The following SLMAP variants were observed in gnomAD, a reference collection of about 807,000 sequenced individuals.
SLMAP encodes sarcolemmal membrane-associated protein.
Under a neutral mutation model 128.8 loss-of-function variants are expected in SLMAP, and 44 were observed. The ratio of observed to expected loss-of-function variants is 0.34; its 90% CI spans 0.27 to 0.44. SLMAP has a LOEUF of 0.44. Among genes scored for constraint, SLMAP ranks in the 20% least tolerant of loss-of-function variants. The probability of loss-of-function intolerance (pLI) is 1.00; values close to 1 mark genes in which losing one functional copy is unlikely to be tolerated. For missense variants in SLMAP, 787 were observed against 985.3 expected, an observed-to-expected ratio of 0.80 and a Z score of 2.69; for synonymous variants, 327 against 348.8, an observed-to-expected ratio of 0.94 and a Z score of 0.70.
chr3:57,896,192 A>G (rs2096241884), intron 15 of SLMAP: 8 of 1,039,576 alleles, frequency 7.7e-6, no homozygotes, highest in Non-Finnish European at 9.3e-6. Context: ...ATTGTACTAT[A>G]TTTGTTGCAG....
intron 14 of SLMAP, among the ~76,000 whole-genome samples, chr3:57,885,950 A>G (rs1023274490): frequency 2.8e-5 from 4 of 141,988 alleles, no homozygotes; most frequent in Admixed American, 7.1e-5. Context: ...TGCCCAGCTA[A>G]TTTTTGTATT....
chr3:57,806,217 C>T (rs974966845), intron 2 of SLMAP, among the ~76,000 whole-genome samples: 4 of 151,950 alleles, frequency 2.6e-5, no homozygotes, highest in African/African-American at 9.7e-5. Flanking sequence ...CGCCCCCTGC[C>T]CCCCAACTGG....
intron 2 of SLMAP, among the ~76,000 whole-genome samples, chr3:57,790,291 A>T (rs2085174256): frequency 6.6e-6 from 1 of 152,228 alleles, no homozygotes; most frequent in African/African-American, 2.4e-5. Context: ...AAAGCATATG[A>T]ATGAGAGGCT....
intron 2 of SLMAP, among the ~76,000 whole-genome samples, chr3:57,809,489 G>GAAGC (rs764669908): frequency 3.1e-4 from 47 of 152,202 alleles, no homozygotes; most frequent in Non-Finnish European, 5.0e-4. Context: ...GGGGCTGAGG[G>GAAGC]AAGCTCAGCA....
chr3:57,860,577 A>G, intron 8 of SLMAP, 122 bp from the exon 9 acceptor site: 1 of 718,288 alleles, frequency 1.4e-6, no homozygotes, highest in Middle Eastern at 4.3e-4. Context: ...GGCCAGAATC[A>G]TTTATGTTTG....
At chr3:57,913,323 T>C in intron 21 of SLMAP, 48 bp downstream of exon 21, 1 of 766,390 alleles carries the variant, frequency 1.3e-6, no homozygotes, top group Non-Finnish European at 2.1e-6. Context: ...TTCTTTATCT[T>C]AAATTTTCAT....
At chr3:57,916,822 C>T in intron 21 of SLMAP, 84 bp from the exon 22 acceptor site, 1 of 1,060,438 alleles carries the variant, frequency 9.4e-7, no homozygotes, top group Non-Finnish European at 1.4e-6. Context: ...TCTATCCCTT[C>T]TAGTGAAATG....
At chr3:57,855,797 A>G (rs2094753494) in intron 6 of SLMAP, among the ~76,000 whole-genome samples, 1 of 151,680 alleles carries the variant, frequency 6.6e-6, no homozygotes, top group Non-Finnish European at 1.5e-5. Context: ...TGATCCCAGC[A>G]CTTTGGGAGG....
At chr3:57,926,275 AG>A (rs1019461361) in intron 24 of SLMAP, 13 of 213,512 alleles carry the variant, frequency 6.1e-5, no homozygotes, top group Admixed American at 5.2e-4. Context: ...GTGTTTAATC[AG>A]ATTTGAATGA....
At chr3:57,852,852 C>T (rs557790502) in intron 6 of SLMAP, among the ~76,000 whole-genome samples, 277 of 152,298 alleles carry the variant, frequency 1.8e-3, no homozygotes, top group African/African-American at 6.4e-3. Context: ...TGTCCTAATC[C>T]TCTGCTGTTC....
chr3:57,843,465 C>T (rs1408729906), intron 4 of SLMAP, among the ~76,000 whole-genome samples: 1 of 151,792 alleles, frequency 6.6e-6, no homozygotes, highest in East Asian at 1.9e-4. Flanking sequence ...ACCACCACGC[C>T]CAGCTAATTT....
At position 57,883,358 on chromosome 3, in the gene SLMAP, C is replaced by G. The variant is rs527351550; in HGVS notation, c.1301-6683C>G. 1.1e-4 allele frequency among the ~76,000 whole-genome samples: 17 copies of G among 152,246 alleles called. No individual in the cohort carries two copies. In the East Asian group the frequency reaches 3.1e-3, roughly 28 times the overall value. Reference sequence around the variant, plus strand: ...TGGGGCCAAAGAATGCTAGACTTAACATCAACATTTAGAAATTACTCAAGG... The same window carrying G: ...TGGGGCCAAAGAATGCTAGACTTAAGATCAACATTTAGAAATTACTCAAGG... On this transcript the variant is annotated intron_variant, in intron 14 of 24. Coordinates refer to ENST00000671191, the MANE Select transcript of SLMAP (RefSeq NM_001377540.1).
chr3:57,853,693 C>T (rs1432061566), intron 6 of SLMAP, among the ~76,000 whole-genome samples: 5 of 151,758 alleles, frequency 3.3e-5, no homozygotes, highest in African/African-American at 1.2e-4. Context: ...GTAATCCCAG[C>T]ACTTTGGGAG....
At chr3:57,842,596 A>G (rs1227225298) in intron 4 of SLMAP, among the ~76,000 whole-genome samples, 1 of 152,026 alleles carries the variant, frequency 6.6e-6, no homozygotes, top group African/African-American at 2.4e-5. Flanking sequence ...CAGTTTGAAA[A>G]CTTTGAACAG....
intron 2 of SLMAP, among the ~76,000 whole-genome samples, chr3:57,779,554 C>T (rs2153457514): frequency 6.6e-6 from 1 of 150,752 alleles, no homozygotes; most frequent in South Asian, 2.1e-4. Flanking sequence ...GAAAAATCAC[C>T]ATACGTACTG....
chr3:57,775,085 C>A (rs112764787), intron 2 of SLMAP, among the ~76,000 whole-genome samples: 1 of 150,602 alleles, frequency 6.6e-6, no homozygotes, highest in Non-Finnish European at 1.5e-5. Flanking sequence ...GACGGAGTCT[C>A]GCTCTGTCGC....
intron 17 of SLMAP, chr3:57,899,544 T>A (rs2096319877): frequency 6.6e-6 from 1 of 152,204 alleles, no homozygotes; most frequent in African/African-American, 2.4e-5. Flanking sequence ...ATTTTATTTT[T>A]ATGAATTTTT....
rs2097043370 is a variant in SLMAP, at chr3:57,928,691, C to G, written c.*1402C>G. On this transcript the variant is annotated 3_prime_UTR_variant, in exon 25 of 25. Coordinates refer to ENST00000671191, the MANE Select transcript of SLMAP (RefSeq NM_001377540.1). ...GTCAGTGAAGACCGGGAGGGAATGT[C>G]AGTGAATTGGCTTGAATGTTCTGTG... is the stretch of plus-strand genomic sequence containing the variant. 1 of 152,168 alleles carries G rather than the reference C, an allele frequency of 6.6e-6. No homozygotes were observed. Among genetic ancestry groups the G allele is most frequent in the Non-Finnish European group, 1.5e-5 (1 of 68,022 alleles). 9.4% of individuals were successfully genotyped at this position (152,168 alleles called of 1,614,324 possible).
chr3:57,921,792 A>G (rs1487145904), intron 22 of SLMAP, among the ~76,000 whole-genome samples: 3 of 151,874 alleles, frequency 2.0e-5, no homozygotes, highest in Non-Finnish European at 4.4e-5. Context: ...TGCAACTTCC[A>G]CCTCCCGGGT....
Sources: gnomAD v4.1 joint callset for allele counts (sites outside exome capture counted in the v4.1 genomes callset) on GRCh38, gnomAD v4.1.1 for gene constraint, MANE v1.5 for transcripts, NCBI Gene and HGNC (gene_info 2026-07-23, HGNC 2026-07-21) for gene names.